MYH16: variants seen among roughly 807,000 people sequenced by gnomAD.
The protein encoded by MYH16 is putative uncharacterized protein MYH16.
At chr7:99,291,619 C>CA (rs1792379162) in intron 31 of MYH16, among the ~76,000 whole-genome samples, 169 bp downstream of exon 12, 1 of 120,564 alleles carries the variant, frequency 8.3e-6, no homozygotes, top group East Asian at 3.0e-4. Context: ...ACAGCAAGAC[C>CA]CCCCCCCACC....
intron 21 of MYH16, among the ~76,000 whole-genome samples, chr7:99,277,927 G>C (rs1351774457): frequency 1.5e-5 from 2 of 133,166 alleles, no homozygotes; most frequent in East Asian, 2.0e-4. Flanking sequence ...GAGAGAGAGA[G>C]AGAGAGAGAG....
At chr7:99,280,548 T>A (rs570544844) in intron 22 of MYH16, among the ~76,000 whole-genome samples, 5 of 152,342 alleles carry the variant, frequency 3.3e-5, no homozygotes, top group African/African-American at 1.2e-4. Flanking sequence ...GCAGGGGCTC[T>A]GCCTAAACTT....
At chr7:99,305,979 G>C (rs555037414) in exon 41 of MYH16, 1 of 152,664 alleles carries the variant, frequency 6.6e-6, no homozygotes, top group Non-Finnish European at 1.5e-5. Context: ...GCATGCAGGC[G>C]CTGGTGGAGA....
At chr7:99,281,507 A>G (rs1792198348) in intron 23 of MYH16, among the ~76,000 whole-genome samples, 1 of 152,184 alleles carries the variant, frequency 6.6e-6, no homozygotes, top group South Asian at 2.1e-4. Context: ...GGTTGCAGTG[A>G]GCCAAGATTG....
chr7:99,280,965 A>G (rs1238044655), exon 23 of MYH16: 3 of 415,708 alleles, frequency 7.2e-6, no homozygotes, highest in Non-Finnish European at 1.4e-5. Flanking sequence ...AGAGGGCCCT[A>G]GAGGAGCTGC....
intron 2 of MYH16, among the ~76,000 whole-genome samples, chr7:99,244,307 T>C (rs1408628020): frequency 6.6e-6 from 1 of 152,224 alleles, no homozygotes; most frequent in Non-Finnish European, 1.5e-5. Context: ...CTTGAAGAAA[T>C]TCAGTTTCAC....
rs904485643 is a variant in MYH16 at position 99,293,978 on chromosome 7, C to G, written n.4150-40C>G. Reference sequence around the variant, plus strand: ...AGTGTGGAGATGGTGCCTGTAAGTGCCTATGTTTCCTTGACAGCCCCTCTG... The same window carrying G: ...AGTGTGGAGATGGTGCCTGTAAGTGGCTATGTTTCCTTGACAGCCCCTCTG... On this transcript the variant is annotated intron_variant and non_coding_transcript_variant, in intron 32 of 41. Coordinates refer to ENST00000439784, the Ensembl canonical transcript of MYH16. 7.5e-5 allele frequency: 32 copies of G among 426,094 alleles called. No individual in the cohort carries two copies. In the Admixed American group the frequency reaches 8.3e-4, roughly 11 times the overall value. 26.4% of individuals were successfully genotyped at this position (426,094 alleles called of 1,614,324 possible).
intron 9 of MYH16, among the ~76,000 whole-genome samples, chr7:99,256,605 C>T (rs1403430316): frequency 6.6e-6 from 1 of 152,194 alleles, no homozygotes; most frequent in Non-Finnish European, 1.5e-5. Context: ...GAAACCCCGT[C>T]TGTACTAAAA....
At chr7:99,268,843 G>A (rs1792017093) in intron 18 of MYH16, among the ~76,000 whole-genome samples, 1 of 152,172 alleles carries the variant, frequency 6.6e-6, no homozygotes, top group Admixed American at 6.5e-5. Context: ...GAGGGGCAGG[G>A]AGCATTCTTC....
At chr7:99,289,295 C>G (rs917938687) in exon 30 of MYH16, 2 of 426,234 alleles carry the variant, frequency 4.7e-6, no homozygotes, top group Non-Finnish European at 9.5e-6. Context: ...AGATGAACGC[C>G]GAGGCCCACG....
chr7:99,270,323 AT>A (rs1181065806), intron 18 of MYH16, among the ~76,000 whole-genome samples: 3,249 of 136,196 alleles, frequency 0.024, 73 homozygotes, highest in African/African-American at 0.057. Flanking sequence ...AGAAAAAAAA[AT>A]TTTTTTTTTT....
chr7:99,294,665 A>C (rs141870197), intron 33 of MYH16, among the ~76,000 whole-genome samples: 2,491 of 151,582 alleles, frequency 0.016, 55 homozygotes, highest in African/African-American at 0.057. Context: ...TCCTGGATTC[A>C]AGCAATTCTC....
chr7:99,285,169 A>G (rs1310354114), intron 26 of MYH16, among the ~76,000 whole-genome samples: 7 of 152,152 alleles, frequency 4.6e-5, no homozygotes, highest in Non-Finnish European at 8.8e-5. Context: ...CACTCTATCC[A>G]GCCATGCTGG....
At chr7:99,256,021 C>T (rs1791867389) in intron 9 of MYH16, among the ~76,000 whole-genome samples, 1 of 152,118 alleles carries the variant, frequency 6.6e-6, no homozygotes, top group Admixed American at 6.5e-5. Flanking sequence ...TCTTATGACA[C>T]TAAGCACTCA....
At chr7:99,282,723 G>T (rs1165905010) in intron 23 of MYH16, among the ~76,000 whole-genome samples, 1 of 152,048 alleles carries the variant, frequency 6.6e-6, no homozygotes, top group Non-Finnish European at 1.5e-5. Context: ...AAAATTAGCT[G>T]GGAGGCTGAG....
intron 27 of MYH16, among the ~76,000 whole-genome samples, chr7:99,286,117 CG>C (rs1180615276): frequency 6.6e-6 from 1 of 152,228 alleles, no homozygotes; most frequent in East Asian, 1.9e-4. Flanking sequence ...TGATTATCAT[CG>C]GTATCATTAA....
intron 1 of MYH16, among the ~76,000 whole-genome samples, chr7:99,242,005 T>C (rs1791672962): frequency 6.6e-6 from 1 of 152,034 alleles, no homozygotes. Context: ...GGGTTACAAG[T>C]GTGCGCTACC....
intron 2 of MYH16, among the ~76,000 whole-genome samples, chr7:99,243,945 A>G (rs756853586): frequency 1.0e-4 from 15 of 144,126 alleles, no homozygotes; most frequent in Non-Finnish European, 2.1e-4. Context: ...ATCCATCCAA[A>G]CATCTATCCA....
At position 99,241,515 on chromosome 7, in the gene MYH16, G is replaced by A. The variant is rs1269940692; in HGVS notation, n.211-1763G>A. On this transcript the variant is annotated intron_variant and non_coding_transcript_variant, in intron 1 of 41. Coordinates refer to ENST00000439784, the Ensembl canonical transcript of MYH16. ...GGAGAATTGCCTGAACCCAGGAGGCGGAGGTTGCAGTGAGTTGAGATCACG... is the reference window on the plus strand; with the variant it reads ...GGAGAATTGCCTGAACCCAGGAGGCAGAGGTTGCAGTGAGTTGAGATCACG... Among the ~76,000 whole-genome samples, 3 of 152,226 alleles carry A rather than the reference G, an allele frequency of 2.0e-5. No individual in the cohort carries two copies. The East Asian group carries it at 5.8e-4, about 29-fold the overall frequency.
Sources: gnomAD v4.1 joint callset for allele counts (sites outside exome capture counted in the v4.1 genomes callset) on GRCh38, gnomAD v4.1.1 for gene constraint, MANE v1.5 for transcripts, NCBI Gene and HGNC (gene_info 2026-07-23, HGNC 2026-07-21) for gene names.